Variants in DNM3 observed in about 807,000 individuals in gnomAD.
DNM3 encodes dynamin-3.
DNM3 carries 47 observed loss-of-function variants against 101.6 expected under a neutral mutation model. The ratio of observed to expected loss-of-function variants is 0.46; its 90% CI spans 0.37 to 0.59. The LOEUF (loss-of-function observed/expected upper bound fraction) is 0.59. Among genes scored for constraint, DNM3 ranks in the 20% least tolerant of loss-of-function variants. The pLI, the probability that DNM3 is intolerant of heterozygous loss-of-function variation, is 0.00. For synonymous variants in DNM3, 385 were observed against 387.9 expected (o/e 0.99, Z 0.09); for missense variants, 849 against 1,085.7 (o/e 0.78, Z 3.06).
At position 172,151,244 on chromosome 1, in the gene DNM3, T is replaced by C. The variant is rs536202384; in HGVS notation, c.1659+19956T>C. Among the ~76,000 whole-genome samples, 7 of 152,356 alleles carry C rather than the reference T, an allele frequency of 4.6e-5. No homozygotes were observed. The East Asian group carries it at 1.4e-3, about 29-fold the overall frequency. ...AATCTTAAACGTTAGTTTTAGTGTA[T>C]AGACGTTTCAGTCTTTTTAATTGTT... On this transcript the variant is annotated intron_variant, in intron 14 of 20. Transcript: ENST00000627582.
At chr1:172,296,823 T>C (rs947832655) in intron 15 of DNM3, among the ~76,000 whole-genome samples, 7 of 152,258 alleles carry the variant, frequency 4.6e-5, no homozygotes, top group African/African-American at 1.7e-4. Flanking sequence ...TATATTTTCA[T>C]CTTGCAGTTA....
intron 14 of DNM3, among the ~76,000 whole-genome samples, chr1:172,214,791 C>T (rs373028965): frequency 4.8e-4 from 73 of 151,962 alleles, no homozygotes; most frequent in African/African-American, 1.7e-3. Flanking sequence ...AATAGTAACA[C>T]TGAGAGAATG....
intron 14 of DNM3, among the ~76,000 whole-genome samples, chr1:172,194,897 T>C (rs1164114793): frequency 6.6e-6 from 1 of 152,104 alleles, no homozygotes; most frequent in Admixed American, 6.6e-5. Context: ...AATTTGATCC[T>C]GTCATTATGA....
chr1:172,007,034 T>C (rs2046740803), intron 4 of DNM3, among the ~76,000 whole-genome samples: 1 of 152,132 alleles, frequency 6.6e-6, no homozygotes, highest in Non-Finnish European at 1.5e-5. Context: ...TCTGTGAATA[T>C]ACCATATTCT....
intron 4 of DNM3, among the ~76,000 whole-genome samples, chr1:171,992,594 A>G (rs2045709498): frequency 6.6e-6 from 1 of 152,106 alleles, no homozygotes; most frequent in Non-Finnish European, 1.5e-5. Context: ...CCTAAAATAA[A>G]TCTCCTTTTT....
chr1:171,970,574 A>G (rs1212265874), intron 2 of DNM3, among the ~76,000 whole-genome samples: 1 of 152,130 alleles, frequency 6.6e-6, no homozygotes, highest in African/African-American at 2.4e-5. Flanking sequence ...GCTAAGATAT[A>G]TAATTATCCT....
chr1:171,950,434 CT>C (rs1407345841), intron 2 of DNM3, among the ~76,000 whole-genome samples: 1 of 152,106 alleles, frequency 6.6e-6, no homozygotes, highest in Non-Finnish European at 1.5e-5. Flanking sequence ...TACTGTGTTA[CT>C]AGATGATTTT....
rs752990905 is a variant in DNM3 at position 171,847,896 on chromosome 1, C to CTG, written c.161+6114_161+6115dup. Among the ~76,000 whole-genome samples the CTG allele has an allele frequency of 8.1e-3, 1,141 of 141,220 alleles. 5 individuals carry two copies. Among genetic ancestry groups the CTG allele is most frequent in the Middle Eastern group, 0.014 (4 of 278 alleles). The allele number at this position is 141,220 out of a possible 152,430, so 92.6% of individuals were successfully genotyped here. A position where few individuals can be genotyped will look rare whatever the true frequency, so the allele number is the denominator to read the frequency against. ...TATTAATTACTCTCTCTCTCTCTCTCTGTGTGTGTGTGTGTGTGTGTGTGT... is the reference window on the plus strand; with the variant it reads ...TATTAATTACTCTCTCTCTCTCTCTCTGTGTGTGTGTGTGTGTGTGTGTGTGT... On this transcript the variant is annotated intron_variant, in intron 1 of 20. Coordinates refer to ENST00000627582, the MANE Select transcript of DNM3 (RefSeq NM_015569.5).
At position 172,278,524 on chromosome 1, in the gene DNM3, A is replaced by C. The variant is rs565237662; in HGVS notation, c.1769+24842A>C. 5.3e-4 allele frequency among the ~76,000 whole-genome samples: 81 copies of C among 152,314 alleles called. 1 individual carries two copies. Among genetic ancestry groups the C allele is most frequent in the African/African-American group, 1.9e-3 (78 of 41,576 alleles). On this transcript the variant is annotated intron_variant, in intron 15 of 20. Transcript: ENST00000627582. ...TGGGCCTCATGCAGCCGTGGGCCACAGGTTGGACAAGTTTGAATTGTAACA... is the reference window on the plus strand; with the variant it reads ...TGGGCCTCATGCAGCCGTGGGCCACCGGTTGGACAAGTTTGAATTGTAACA...
intron 1 of DNM3, among the ~76,000 whole-genome samples, chr1:171,867,724 T>A (rs544581079): frequency 7.9e-5 from 12 of 152,338 alleles, no homozygotes; most frequent in Admixed American, 7.2e-4. Flanking sequence ...CATGACTGAG[T>A]GTCAAAGAAC....
chr1:171,861,857 A>T (rs1243299995), intron 1 of DNM3, among the ~76,000 whole-genome samples: 1 of 152,204 alleles, frequency 6.6e-6, no homozygotes, highest in Non-Finnish European at 1.5e-5. Context: ...GGGAACTAGC[A>T]TCCTGAATAC....
chr1:172,316,780 A>G (rs909683825), intron 16 of DNM3, among the ~76,000 whole-genome samples: 1 of 152,136 alleles, frequency 6.6e-6, no homozygotes, highest in Non-Finnish European at 1.5e-5. Context: ...ACTCCCACAC[A>G]ATAATAATGG....
intron 14 of DNM3, chr1:172,140,156 A>G (rs923467848): frequency 5.9e-5 from 9 of 152,074 alleles, no homozygotes; most frequent in Non-Finnish European, 1.3e-4. Flanking sequence ...AGTTTTAGAT[A>G]CTGAGAAAAT....
At chr1:172,316,344 A>C (rs1334437969) in intron 16 of DNM3, among the ~76,000 whole-genome samples, 1 of 152,174 alleles carries the variant, frequency 6.6e-6, no homozygotes, top group African/African-American at 2.4e-5. Flanking sequence ...TGAGCAAAAT[A>C]ACCAGCTAAC....
At chr1:171,963,562 A>G (rs1159556687) in intron 2 of DNM3, among the ~76,000 whole-genome samples, 3 of 152,102 alleles carry the variant, frequency 2.0e-5, no homozygotes, top group Non-Finnish European at 4.4e-5. Flanking sequence ...TATTGTAACA[A>G]ATGTCCCACT....
chr1:172,349,917 G>C (rs2067119974), intron 17 of DNM3, among the ~76,000 whole-genome samples: 1 of 152,102 alleles, frequency 6.6e-6, no homozygotes, highest in Admixed American at 6.5e-5. Context: ...TAAAAACATA[G>C]AAGCACCAAG....
chr1:172,328,354 CA>C (rs1405706718), intron 17 of DNM3, among the ~76,000 whole-genome samples: 1 of 151,978 alleles, frequency 6.6e-6, no homozygotes, highest in East Asian at 1.9e-4. Flanking sequence ...AACACTGCTC[CA>C]AAACAAGAGT....
intron 4 of DNM3, among the ~76,000 whole-genome samples, 172 bp from the exon 5 acceptor site, chr1:172,032,230 C>G (rs965468662): frequency 3.9e-5 from 6 of 151,954 alleles, no homozygotes; most frequent in Non-Finnish European, 7.4e-5. Context: ...AACTGTCCTC[C>G]TCATCACACT....
At chr1:172,307,170 C>G (rs1244528442) in intron 15 of DNM3, among the ~76,000 whole-genome samples, 1 of 152,140 alleles carries the variant, frequency 6.6e-6, no homozygotes, top group Non-Finnish European at 1.5e-5. Flanking sequence ...AGAACTTAAA[C>G]AAATTTTACC....
Sources: gnomAD v4.1 joint callset for allele counts (sites outside exome capture counted in the v4.1 genomes callset) on GRCh38, gnomAD v4.1.1 for gene constraint, MANE v1.5 for transcripts, NCBI Gene and HGNC (gene_info 2026-07-23, HGNC 2026-07-21) for gene names.